The following DACH1 variants were observed in gnomAD, a reference collection of about 807,000 sequenced individuals.
The protein encoded by DACH1 is dachshund homolog 1.
A neutral mutation model predicts 54.2 loss-of-function variants in DACH1; 12 were observed. The ratio of observed to expected loss-of-function variants is 0.22; its 90% confidence interval spans 0.14 to 0.36. The LOEUF is 0.36. Ranked by LOEUF, DACH1 falls within the 10% of genes least tolerant of loss-of-function variation. The pLI is 1.00. For synonymous variants in DACH1, 386 were observed against 366.2 expected, an observed-to-expected ratio of 1.05 and a Z score of -0.62; for missense variants, 805 against 929.8, an observed-to-expected ratio of 0.87 and a Z score of 1.75.
chr13:71,656,265 C>T lies in DACH1; in HGVS notation c.964+25530G>A, dbSNP rs148197330. On this transcript the variant is annotated intron_variant, in intron 2 of 10. Transcript: ENST00000613252. ...TCCCTGTTCATTCTGCATTCTTCCT[C>T]ACCACATGCCCAAATTATACTTCTA... Among the ~76,000 whole-genome samples the T allele has an allele frequency of 7.7e-3, 1,171 of 152,278 alleles. 9 individuals carry two copies. Among genetic ancestry groups the T allele is most frequent in the African/African-American group, 0.027 (1,106 of 41,546 alleles).
intron 3 of DACH1, among the ~76,000 whole-genome samples, chr13:71,608,807 A>G (rs954329730): frequency 8.5e-5 from 13 of 152,242 alleles, no homozygotes; most frequent in Admixed American, 8.5e-4. Flanking sequence ...CAATAGGAGA[A>G]TAGGAGCTTT....
intron 1 of DACH1, among the ~76,000 whole-genome samples, chr13:71,742,184 G>A (rs1566472929): frequency 6.6e-6 from 1 of 152,094 alleles, no homozygotes; most frequent in East Asian, 1.9e-4. Flanking sequence ...CCATGATTCT[G>A]AGGTCTACCC....
intron 6 of DACH1, among the ~76,000 whole-genome samples, chr13:71,521,222 A>G (rs763450404): frequency 1.1e-4 from 17 of 152,048 alleles, no homozygotes; most frequent in African/African-American, 2.4e-5. Context: ...TCTAGTATTT[A>G]GAATAATATT....
chr13:71,827,803 T>A (rs1158027815), intron 1 of DACH1, among the ~76,000 whole-genome samples: 1 of 152,068 alleles, frequency 6.6e-6, no homozygotes, highest in Non-Finnish European at 1.5e-5. Flanking sequence ...TAGGATTTCC[T>A]ATATTCACAA....
At chr13:71,481,691 GCA>G (rs1203113309) in intron 7 of DACH1, among the ~76,000 whole-genome samples, 24 of 152,258 alleles carry the variant, frequency 1.6e-4, no homozygotes, top group African/African-American at 5.3e-4. Context: ...CCAAACTGAT[GCA>G]TATGCAAAAG....
chr13:71,836,877 G>T (rs1244046116), intron 1 of DACH1, among the ~76,000 whole-genome samples: 4 of 151,982 alleles, frequency 2.6e-5, no homozygotes, highest in Non-Finnish European at 5.9e-5. Flanking sequence ...AACCATGAGT[G>T]CTAGAATTGA....
intron 10 of DACH1, among the ~76,000 whole-genome samples, chr13:71,467,760 T>C (rs112566440): frequency 2.6e-5 from 4 of 152,152 alleles, no homozygotes; most frequent in South Asian, 2.1e-4. Context: ...ATTAGCTTTA[T>C]AGAAATGCTG....
At position 71,438,987 on chromosome 13, in the gene DACH1, A is replaced by AAAG. The variant is rs202236502; in HGVS notation, c.*1665_*1667dup. 1,556 of 152,584 alleles carry AAAG rather than the reference A, an allele frequency of 0.01. 11 individuals are homozygous for AAAG. The highest frequency in any genetic ancestry group is 0.016 in the Non-Finnish European group (1,067 of 67,890). 9.5% of individuals were successfully genotyped at this position (152,584 alleles called of 1,614,324 possible). On this transcript the variant is annotated 3_prime_UTR_variant, in exon 11 of 11. Transcript: ENST00000613252. ...TAGCTGGCTAATAGTGAGCTACACA[A>AAAG]AAGAATTATGTTCCAGTATTGCAAG... is the stretch of plus-strand genomic sequence containing the variant.
chr13:71,523,107 T>C (rs1433394117), intron 6 of DACH1, among the ~76,000 whole-genome samples: 1 of 152,134 alleles, frequency 6.6e-6, no homozygotes, highest in Non-Finnish European at 1.5e-5. Flanking sequence ...CCATTGCTTC[T>C]GCCAACAGCA....
At chr13:71,463,072 A>G (rs1269648878) in intron 10 of DACH1, among the ~76,000 whole-genome samples, 1 of 151,984 alleles carries the variant, frequency 6.6e-6, no homozygotes, top group Non-Finnish European at 1.5e-5. Flanking sequence ...AACATTAATG[A>G]ATGATAGTAT....
At chr13:71,828,689 C>T (rs1888473264) in intron 1 of DACH1, among the ~76,000 whole-genome samples, 1 of 151,780 alleles carries the variant, frequency 6.6e-6, no homozygotes, top group Non-Finnish European at 1.5e-5. Context: ...TTAAGAAAAA[C>T]CCTGAGTTTG....
intron 1 of DACH1, among the ~76,000 whole-genome samples, chr13:71,790,042 A>G (rs1202745964): frequency 6.6e-6 from 1 of 152,158 alleles, no homozygotes; most frequent in Non-Finnish European, 1.5e-5. Context: ...ATGCCGCTCC[A>G]TCTGGAGGAT....
At chr13:71,561,697 A>G (rs1884594411) in intron 4 of DACH1, among the ~76,000 whole-genome samples, 1 of 152,104 alleles carries the variant, frequency 6.6e-6, no homozygotes, top group South Asian at 2.1e-4. Context: ...CTAATACACT[A>G]GGTCTAAAAT....
At chr13:71,756,244 A>T (rs144254685) in intron 1 of DACH1, among the ~76,000 whole-genome samples, 8 of 151,498 alleles carry the variant, frequency 5.3e-5, no homozygotes, top group Non-Finnish European at 1.0e-4. Flanking sequence ...AGGTTCTCAC[A>T]GTGTTAGCCA....
intron 1 of DACH1, among the ~76,000 whole-genome samples, chr13:71,689,411 C>T (rs1339923377): frequency 6.6e-6 from 1 of 152,120 alleles, no homozygotes; most frequent in Admixed American, 6.6e-5. Flanking sequence ...GTTTACAAAG[C>T]AGGTGATCAT....
chr13:71,572,212 G>A (rs1003119890), intron 4 of DACH1, among the ~76,000 whole-genome samples: 1 of 151,938 alleles, frequency 6.6e-6, no homozygotes, highest in Non-Finnish European at 1.5e-5. Context: ...TAATATGAAA[G>A]TAAAACATAT....
intron 10 of DACH1, among the ~76,000 whole-genome samples, chr13:71,453,842 G>A (rs1875299676): frequency 6.6e-6 from 1 of 152,142 alleles, no homozygotes; most frequent in South Asian, 2.1e-4. Context: ...AAATATGAGA[G>A]TTTCCTAGCT....
intron 1 of DACH1, among the ~76,000 whole-genome samples, chr13:71,816,224 G>T (rs2138165740): frequency 6.6e-6 from 1 of 152,240 alleles, no homozygotes; most frequent in East Asian, 1.9e-4. Flanking sequence ...AACACAGTCA[G>T]GGGTTTCTTT....
Position 71,865,948 on chromosome 13 carries a change from G to T in DACH1, c.822C>A (p.Thr274=). Residue 274 remains threonine, a synonymous_variant, in exon 1 of 11, where the codon ACC becomes ACA. Coordinates refer to ENST00000613252, the MANE Select transcript of DACH1 (RefSeq NM_080759.6). The part of the protein sequence containing the change: ...CKLISRKDFE[T]LYNDCTNASS... ...TTGCGTTGGTGCAGTCATTGTAGAG[G>T]GTCTCGAAGTCCTTCCTGGAGATGA... 1 of 1,613,548 alleles carries T rather than the reference G, an allele frequency of 6.2e-7. No homozygotes were observed. Among genetic ancestry groups the T allele is most frequent in the Admixed American group, 1.7e-5 (1 of 59,948 alleles).
Sources: gnomAD v4.1 joint callset for allele counts (sites outside exome capture counted in the v4.1 genomes callset) on GRCh38, gnomAD v4.1.1 for gene constraint, MANE v1.5 for transcripts, NCBI Gene and HGNC (gene_info 2026-07-23, HGNC 2026-07-21) for gene names.